Variants in CELF2 observed in about 807,000 individuals in gnomAD.
CELF2 encodes CUGBP Elav-like family member 2, also known as CUG triplet repeat RNA-binding protein 2.
A neutral mutation model predicts 62.6 loss-of-function variants in CELF2; 8 were observed. That is an observed-to-expected ratio of 0.13 (90% CI 0.07 to 0.23). The LOEUF is 0.23. CELF2 is among the 10% of genes least tolerant of loss of function. The pLI, the probability that CELF2 is intolerant of heterozygous loss-of-function variation, is 1.00. For synonymous variants in CELF2, 258 were observed against 250.0 expected, an observed-to-expected ratio of 1.03 and a Z score of -0.30; for missense variants, 333 against 671.0, an observed-to-expected ratio of 0.50 and a Z score of 5.56.
At chr10:10,597,447 C>T in the CELF2 span, among the ~76,000 whole-genome samples, 43 of 151,774 alleles carry the variant, frequency 2.8e-4, no homozygotes, top group African/African-American at 9.7e-4. Flanking sequence ...ACAGAGTCCT[C>T]AAAGTTTTGT....
chr10:11,111,488 C>G (rs1392094552), intron 1 of CELF2, among the ~76,000 whole-genome samples: 2 of 152,186 alleles, frequency 1.3e-5, no homozygotes, highest in Non-Finnish European at 2.9e-5. Context: ...TTTTCTTCCT[C>G]CCAACATAGC....
Position 10,936,915 on chromosome 10 carries a change from T to G in CELF2, c.89+16916T>G, listed in dbSNP as rs2046460717. Among the ~76,000 whole-genome samples the G allele has an allele frequency of 6.6e-6, 1 of 152,170 alleles. No homozygotes were observed. Among genetic ancestry groups the G allele is most frequent in the Admixed American group, 6.5e-5 (1 of 15,276 alleles). ...GCTCCCACGGGGTTTCTGATGATTC[T>G]GGTCCTCAGACCATCCTTTGAGGAG... On this transcript the variant is annotated intron_variant, in intron 2 of 13. Coordinates refer to the CELF2 transcript ENST00000636488. This position sits in a 1 kb window ranked among gnomAD's most constrained non-coding sequence, Gnocchi z 4.0.
intron 1 of CELF2, among the ~76,000 whole-genome samples, chr10:11,138,138 A>C (rs1441228125): frequency 6.6e-6 from 1 of 152,208 alleles, no homozygotes; most frequent in Non-Finnish European, 1.5e-5. Context: ...AAATTAGCAC[A>C]ATGTGAAACT....
intron 3 of CELF2, among the ~76,000 whole-genome samples, chr10:11,221,270 C>G (rs2064793123): frequency 6.6e-6 from 1 of 152,204 alleles, no homozygotes. Flanking sequence ...AGGGTTTTAT[C>G]TAGGCACAAC....
At chr10:10,799,533 A>G (rs924682088) in intron 1 of CELF2, among the ~76,000 whole-genome samples, 7 of 152,072 alleles carry the variant, frequency 4.6e-5, no homozygotes, top group African/African-American at 1.7e-4. Flanking sequence ...TTTTCCAGAA[A>G]GCCTTATTAG....
At chr10:11,196,427 C>G (rs913901331) in intron 2 of CELF2, among the ~76,000 whole-genome samples, 1 of 152,112 alleles carries the variant, frequency 6.6e-6, no homozygotes, top group Non-Finnish European at 1.5e-5. Flanking sequence ...TTTGGGAGAC[C>G]AAGGCTGGAG....
intron 1 of CELF2, among the ~76,000 whole-genome samples, chr10:11,072,968 T>A (rs1262798727): frequency 6.6e-6 from 1 of 151,926 alleles, no homozygotes; most frequent in Non-Finnish European, 1.5e-5. Context: ...TATATTAATA[T>A]CCTATTACAT....
the CELF2 span, among the ~76,000 whole-genome samples, chr10:10,592,196 A>C: frequency 6.6e-6 from 1 of 152,228 alleles, no homozygotes; most frequent in East Asian, 1.9e-4. Context: ...CAATCTGTTC[A>C]TATGCTGTTC....
At position 11,314,245 on chromosome 10, in the gene CELF2, T is replaced by G; in HGVS notation, c.1083T>G (p.Ile361Met). 1 of 1,614,188 alleles carries G rather than the reference T, an allele frequency of 6.2e-7. No individual in the cohort carries two copies. The highest frequency in any genetic ancestry group is 1.7e-5 in the Admixed American group (1 of 60,026). Residue 361 changes from isoleucine to methionine, a missense_variant, in exon 10 of 13, where the codon ATT becomes ATG. Transcript: ENST00000633077. The surrounding 1 kb of genome is among the most constrained non-coding windows in gnomAD (Gnocchi z 5.3). ...LAGATVGLNN[I>M]NALAVAQMLS... is the part of the protein sequence containing the mutation. Reference sequence around the variant, plus strand: ...GAGCCACTGTTGGACTGAATAATATTAATGCACTAGCAGGTACCATCAACA... The same window carrying G: ...GAGCCACTGTTGGACTGAATAATATGAATGCACTAGCAGGTACCATCAACA...
chr10:10,857,640 ATATATATAG>A (rs1163704766), intron 1 of CELF2, among the ~76,000 whole-genome samples: 20 of 104,698 alleles, frequency 1.9e-4, no homozygotes, highest in African/African-American at 7.6e-4. Context: ...GGTAAACTAC[ATATATATAG>A]TATATATATA....
chr10:11,094,348 T>C (rs1218348000), intron 1 of CELF2, among the ~76,000 whole-genome samples: 1 of 152,196 alleles, frequency 6.6e-6, no homozygotes, highest in Non-Finnish European at 1.5e-5. Context: ...TAGCCGTGGT[T>C]ATAGAGGTTC....
the CELF2 span, among the ~76,000 whole-genome samples, chr10:10,624,006 A>G: frequency 6.6e-6 from 1 of 152,016 alleles, no homozygotes; most frequent in East Asian, 1.9e-4. Flanking sequence ...ATAAAACTGG[A>G]CTCTGCAAGT....
intron 1 of CELF2, among the ~76,000 whole-genome samples, chr10:10,876,908 G>A (rs576592475): frequency 1.3e-5 from 2 of 152,250 alleles, no homozygotes; most frequent in Non-Finnish European, 2.9e-5. Context: ...GCAACACATG[G>A]TTGCATGTAT....
At chr10:11,118,424 C>A (rs532227981) in intron 1 of CELF2, among the ~76,000 whole-genome samples, 1 of 152,228 alleles carries the variant, frequency 6.6e-6, no homozygotes. Flanking sequence ...GCCTCAGCCT[C>A]CCAAAGTGCT....
At chr10:10,954,429 G>A (rs1474017952) in intron 2 of CELF2, among the ~76,000 whole-genome samples, 1 of 151,796 alleles carries the variant, frequency 6.6e-6, no homozygotes, top group Non-Finnish European at 1.5e-5. Context: ...TATTTTTTTA[G>A]TAGAGGCAGG....
At chr10:11,034,015 A>G (rs961793239) in intron 1 of CELF2, among the ~76,000 whole-genome samples, 2 of 152,204 alleles carry the variant, frequency 1.3e-5, no homozygotes, top group Non-Finnish European at 2.9e-5. Flanking sequence ...GTTAACACAA[A>G]TATTTAGTCT....
intron 2 of CELF2, among the ~76,000 whole-genome samples, chr10:11,189,920 T>A (rs2075907064): frequency 6.6e-6 from 1 of 152,236 alleles, no homozygotes; most frequent in African/African-American, 2.4e-5. Flanking sequence ...CTCATTCCCT[T>A]CATTACCTTC....
chr10:11,316,131 G>C lies in CELF2; in HGVS notation c.1096+1873G>C, dbSNP rs1236032764. Among the ~76,000 whole-genome samples, 1 of 152,250 alleles carries C rather than the reference G, an allele frequency of 6.6e-6. No individual in the cohort carries two copies. The highest frequency in any genetic ancestry group is 2.4e-5 in the African/African-American group (1 of 41,460). On this transcript the variant is annotated intron_variant, in intron 10 of 12. Transcript: ENST00000633077. The surrounding 1 kb of genome is among the most constrained non-coding windows in gnomAD (Gnocchi z 4.4). The stretch of plus-strand genomic sequence containing the variant: ...GGCAGAGAAACCATGAGTAGTTCTT[G>C]TGTGGGGTCTTGTGTGATACACATT...
intron 1 of CELF2, among the ~76,000 whole-genome samples, chr10:10,847,186 T>A (rs2059069514): frequency 6.6e-6 from 1 of 151,802 alleles, no homozygotes; most frequent in Admixed American, 6.6e-5. Context: ...ATGTATAATG[T>A]ATGTTTTTTA....
Sources: gnomAD v4.1 joint callset for allele counts (sites outside exome capture counted in the v4.1 genomes callset) on GRCh38, gnomAD v4.1.1 for gene constraint, Gnocchi (gnomAD v3.1) non-coding constraint, MANE v1.5 for transcripts, NCBI Gene and HGNC (gene_info 2026-07-23, HGNC 2026-07-21) for gene names.